TENM2: variants seen among roughly 807,000 people sequenced by gnomAD.
TENM2 encodes the protein teneurin-2.
TENM2 carries 52 observed loss-of-function variants against 245.2 expected under a neutral mutation model. The observed-to-expected ratio is 0.21, with a 90% CI of 0.17 to 0.27. The LOEUF (loss-of-function observed/expected upper bound fraction) is 0.27, where lower values mean the gene tolerates loss of function less well. TENM2 is among the 10% of genes least tolerant of loss of function. TENM2 has a pLI of 1.00. For missense variants in TENM2, 3,046 were observed against 3,666.8 expected (o/e 0.83, Z 4.37); for synonymous variants, 1,363 against 1,438.9 (o/e 0.95, Z 1.19).
exon 1 of TENM2, chr5:167,284,964 A>G: frequency 1.9e-6 from 3 of 1,551,840 alleles, no homozygotes; most frequent in Middle Eastern, 1.7e-4. Flanking sequence ...CTACAGCTCC[A>G]GTGAGACTCT....
chr5:167,164,400 G>T, the TENM2 span, among the ~76,000 whole-genome samples: 17 of 152,156 alleles, frequency 1.1e-4, no homozygotes, highest in Non-Finnish European at 1.6e-4. Flanking sequence ...TGGAATTTTA[G>T]ACTCAGTTTT....
chr5:167,035,373 T>C, the TENM2 span, among the ~76,000 whole-genome samples: 1 of 152,234 alleles, frequency 6.6e-6, no homozygotes, highest in East Asian at 1.9e-4. Context: ...AAATGTGTAA[T>C]TACAGAGTTG....
the TENM2 span, among the ~76,000 whole-genome samples, chr5:167,197,253 C>T: frequency 6.6e-6 from 1 of 152,210 alleles, no homozygotes; most frequent in South Asian, 2.1e-4. Context: ...CCACAGCTGT[C>T]TCCTTCCAAA....
intron 2 of TENM2, among the ~76,000 whole-genome samples, chr5:167,428,612 A>G (rs1582017925): frequency 6.6e-6 from 1 of 152,292 alleles, no homozygotes; most frequent in Non-Finnish European, 1.5e-5. Context: ...AAAATGATTA[A>G]TTTGCCTGCA....
intron 2 of TENM2, among the ~76,000 whole-genome samples, chr5:167,799,686 T>G (rs969212316): frequency 2.0e-5 from 3 of 152,180 alleles, no homozygotes; most frequent in African/African-American, 7.2e-5. Context: ...CATGCCTGTG[T>G]TTAGAGGGTC....
intron 2 of TENM2, among the ~76,000 whole-genome samples, chr5:167,716,883 T>A (rs561953061): frequency 1.9e-4 from 28 of 146,120 alleles, no homozygotes; most frequent in African/African-American, 6.4e-4. Context: ...GGTCTTTTTT[T>A]ATATTTTATT....
chr5:167,246,970 G>A, the TENM2 span, among the ~76,000 whole-genome samples: 3 of 151,900 alleles, frequency 2.0e-5, no homozygotes, highest in East Asian at 5.8e-4. Context: ...CAAACACCAG[G>A]ATGGAAAGTA....
the TENM2 span, among the ~76,000 whole-genome samples, chr5:167,082,475 C>T: frequency 2.0e-5 from 3 of 151,910 alleles, no homozygotes; most frequent in South Asian, 2.1e-4. Flanking sequence ...TTAGTAGAGA[C>T]GGGGTTTCAC....
In TENM2 at chr5:167,916,284, C is replaced by T. The variant is rs183790182; in HGVS notation, c.713-36304C>T. On this transcript the variant is annotated intron_variant, in intron 3 of 28. Coordinates refer to ENST00000518659, the Ensembl canonical transcript of TENM2. ...GGATGTCCAGTCTTGGAACCAGCTC[C>T]GAATCCATTGAAAGGCCCCTGGTGT... Among the ~76,000 whole-genome samples the T allele has an allele frequency of 1.8e-3, 279 of 152,210 alleles. 2 individuals carry two copies. The highest frequency in any genetic ancestry group is 6.4e-3 in the African/African-American group (264 of 41,544).
intron 2 of TENM2, among the ~76,000 whole-genome samples, chr5:167,568,919 GGTTA>G (rs1026616544): frequency 4.6e-5 from 7 of 152,024 alleles, no homozygotes; most frequent in African/African-American, 1.7e-4. Flanking sequence ...GTATTTGTGT[GGTTA>G]GTTCTGTCTT....
Position 167,353,633 on chromosome 5 carries a change from A to C in TENM2, c.227-21565A>C, listed in dbSNP as rs1470246619. On this transcript the variant is annotated intron_variant, in intron 1 of 28. Transcript: ENST00000518659. Reference sequence around the variant, plus strand: ...CGCCATTCTCCTGCCTCAGCCTCCCATGTAGCTGGGACAACAGGCGCCCGC... The same window carrying C: ...CGCCATTCTCCTGCCTCAGCCTCCCCTGTAGCTGGGACAACAGGCGCCCGC... 5.5e-3 allele frequency among the ~76,000 whole-genome samples: 792 copies of C among 142,764 alleles called. 10 individuals are homozygous for C. The highest frequency in any genetic ancestry group is 0.02 in the African/African-American group (766 of 38,922). 93.7% of individuals were successfully genotyped at this position (142,764 alleles called of 152,430 possible). A position where few individuals can be genotyped will look rare whatever the true frequency, so the allele number is the denominator to read the frequency against.
the TENM2 span, among the ~76,000 whole-genome samples, chr5:167,029,133 C>T: frequency 6.6e-6 from 1 of 152,136 alleles, no homozygotes; most frequent in Admixed American, 6.5e-5. Context: ...CAAACCAAGT[C>T]ATTTTAATTG....
intron 2 of TENM2, among the ~76,000 whole-genome samples, chr5:167,556,090 A>G (rs1773244369): frequency 6.6e-6 from 1 of 152,162 alleles, no homozygotes; most frequent in Non-Finnish European, 1.5e-5. Context: ...TCCATGTCTT[A>G]GACTTTGAGT....
intron 2 of TENM2, among the ~76,000 whole-genome samples, chr5:167,684,097 C>T (rs527666176): frequency 3.3e-4 from 50 of 152,298 alleles, no homozygotes; most frequent in African/African-American, 1.1e-3. Context: ...AATAAAAGGA[C>T]GCAGACCAAC....
chr5:167,995,480 A>T (rs1464968958), intron 5 of TENM2, among the ~76,000 whole-genome samples: 1 of 152,172 alleles, frequency 6.6e-6, no homozygotes, highest in African/African-American at 2.4e-5. Flanking sequence ...AAAATGAGTG[A>T]TATAATGGGC....
chr5:167,895,699 G>A (rs912143316), intron 3 of TENM2, among the ~76,000 whole-genome samples: 9 of 152,170 alleles, frequency 5.9e-5, no homozygotes, highest in Non-Finnish European at 1.5e-5. Flanking sequence ...TGCATTTCTA[G>A]CAGGCTCCCA....
Position 168,211,579 on chromosome 5 carries a change from A to G in TENM2, c.3825-155A>G, listed in dbSNP as rs1374422410. ...CAAAATCAGGGGCACTTCTCAAGCT[A>G]TTGAGCCAGGAGTTGTCAGTTACAG... On this transcript the variant is annotated intron_variant, in intron 19 of 28. Coordinates refer to ENST00000518659, the Ensembl canonical transcript of TENM2. Among the ~76,000 whole-genome samples the G allele has an allele frequency of 2.6e-5, 4 of 152,354 alleles. No individual in the cohort carries two copies. In the East Asian group the frequency reaches 5.8e-4, roughly 22 times the overall value.
At chr5:167,799,527 A>G (rs1255143591) in intron 2 of TENM2, among the ~76,000 whole-genome samples, 2 of 152,254 alleles carry the variant, frequency 1.3e-5, no homozygotes, top group African/African-American at 2.4e-5. Flanking sequence ...AAACTATTAC[A>G]TAAATAATAA....
chr5:167,587,668 C>T (rs1775597952), intron 2 of TENM2, among the ~76,000 whole-genome samples: 1 of 152,182 alleles, frequency 6.6e-6, no homozygotes, highest in Non-Finnish European at 1.5e-5. Flanking sequence ...ACATCTCCAA[C>T]ATGCTCAGTA....
Sources: allele counts gnomAD v4.1 joint callset (sites outside exome capture counted in the v4.1 genomes callset), GRCh38; gene constraint gnomAD v4.1.1; transcripts MANE v1.5; gene names NCBI Gene and HGNC (gene_info 2026-07-23, HGNC 2026-07-21).